The following MLLT3 variants were observed in gnomAD, a reference collection of about 807,000 sequenced individuals.
MLLT3 encodes the protein protein AF-9.
MLLT3 carries 4 observed loss-of-function variants against 53.2 expected under a neutral mutation model. That is an observed-to-expected ratio of 0.08 (90% confidence interval 0.04 to 0.17). The LOEUF is 0.17. Among genes scored for constraint, MLLT3 ranks in the 10% least tolerant of loss-of-function variants. The pLI is 1.00. For missense variants in MLLT3, 569 were observed against 684.0 expected (o/e 0.83, Z 1.87); for synonymous variants, 283 against 230.6 (o/e 1.23, Z -2.06).
At chr9:20,612,976 T>A (rs73434584) in intron 2 of MLLT3, among the ~76,000 whole-genome samples, 6,832 of 152,240 alleles carry the variant, frequency 0.045, 527 homozygotes, top group African/African-American at 0.16. Context: ...CAAGGTAACA[T>A]GCACAAAGAT....
intron 2 of MLLT3, among the ~76,000 whole-genome samples, chr9:20,532,096 G>A (rs942683944): frequency 2.0e-5 from 3 of 151,896 alleles, no homozygotes; most frequent in African/African-American, 7.3e-5. Context: ...TTTGTTAACG[G>A]CCCCTAAATG....
intron 2 of MLLT3, among the ~76,000 whole-genome samples, chr9:20,588,467 C>T (rs1248125455): frequency 6.6e-6 from 1 of 152,178 alleles, no homozygotes; most frequent in Non-Finnish European, 1.5e-5. Context: ...ATTCTTCCTA[C>T]CCATGAGCAT....
At position 20,346,379 on chromosome 9, in the gene MLLT3, C is replaced by CAAAA; in HGVS notation, c.*60_*63dup. ...AACAACAAGAACAAAAAATCACAAC[C>CAAAA]AAAAAAAAAAAAAACCAAAAAAAAA... On this transcript the variant is annotated 3_prime_UTR_variant, in exon 11 of 11. Transcript: ENST00000380338. 41 of 982,026 alleles carry CAAAA rather than the reference C, an allele frequency of 4.2e-5. No homozygotes were observed. Among genetic ancestry groups the CAAAA allele is most frequent in the South Asian group, 1.8e-4 (7 of 39,852 alleles). 60.8% of individuals were successfully genotyped at this position (982,026 alleles called of 1,614,324 possible).
At chr9:20,539,786 A>T (rs1587045056) in intron 2 of MLLT3, among the ~76,000 whole-genome samples, 1 of 152,152 alleles carries the variant, frequency 6.6e-6, no homozygotes, top group Non-Finnish European at 1.5e-5. Context: ...TTCCTTCATG[A>T]CAGTCCCCGA....
chr9:20,591,944 G>C (rs2131187215), intron 2 of MLLT3, among the ~76,000 whole-genome samples: 2 of 152,242 alleles, frequency 1.3e-5, no homozygotes, highest in East Asian at 3.9e-4. Context: ...AAGATCGCTT[G>C]AGCCCAGGAG....
intron 5 of MLLT3, among the ~76,000 whole-genome samples, chr9:20,386,252 G>A (rs372141295): frequency 6.6e-6 from 1 of 152,210 alleles, no homozygotes; most frequent in African/African-American, 2.4e-5. Context: ...TTTAGGGCAA[G>A]TGTTGTTCTG....
intron 2 of MLLT3, among the ~76,000 whole-genome samples, chr9:20,572,755 C>T (rs1819561730): frequency 6.6e-6 from 1 of 152,170 alleles, no homozygotes; most frequent in Admixed American, 6.5e-5. Flanking sequence ...GATTGCACCA[C>T]TGCACTCCAG....
At chr9:20,539,111 G>A (rs536526923) in intron 2 of MLLT3, among the ~76,000 whole-genome samples, 1 of 152,284 alleles carries the variant, frequency 6.6e-6, no homozygotes, top group South Asian at 2.1e-4. Context: ...TAGCTGTGGT[G>A]ATTTCTGGAA....
At chr9:20,385,305 G>A (rs141810567) in intron 5 of MLLT3, among the ~76,000 whole-genome samples, 3 of 152,054 alleles carry the variant, frequency 2.0e-5, no homozygotes, top group African/African-American at 4.8e-5. Flanking sequence ...AAGGGGCTAC[G>A]GAAAGATAAT....
intron 2 of MLLT3, among the ~76,000 whole-genome samples, chr9:20,601,680 A>G (rs977833653): frequency 3.3e-5 from 5 of 151,894 alleles, no homozygotes; most frequent in African/African-American, 1.2e-4. Context: ...CAGATCCTCA[A>G]TAATGTAGCT....
chr9:20,476,197 T>C (rs376081158), intron 2 of MLLT3, among the ~76,000 whole-genome samples: 1 of 152,006 alleles, frequency 6.6e-6, no homozygotes, highest in African/African-American at 2.4e-5. Context: ...ATGTGATAAA[T>C]ATGGTTAATG....
chr9:20,494,938 T>C (rs1825046348), intron 2 of MLLT3, among the ~76,000 whole-genome samples: 1 of 152,138 alleles, frequency 6.6e-6, no homozygotes, highest in Non-Finnish European at 1.5e-5. Flanking sequence ...AGATGATTTT[T>C]TTTCCTCCTA....
At chr9:20,394,218 G>A (rs1389428994) in intron 5 of MLLT3, among the ~76,000 whole-genome samples, 2 of 152,122 alleles carry the variant, frequency 1.3e-5, no homozygotes, top group Non-Finnish European at 2.9e-5. Flanking sequence ...GGGTTGGGGG[G>A]AGCATTGAGG....
intron 5 of MLLT3, among the ~76,000 whole-genome samples, chr9:20,380,669 A>G (rs1265579329): frequency 6.6e-6 from 1 of 152,020 alleles, no homozygotes; most frequent in Non-Finnish European, 1.5e-5. Flanking sequence ...TATCCACTAC[A>G]CTTAAACACC....
At chr9:20,597,996 A>C (rs1313074246) in intron 2 of MLLT3, among the ~76,000 whole-genome samples, 1 of 152,192 alleles carries the variant, frequency 6.6e-6, no homozygotes, top group Non-Finnish European at 1.5e-5. Flanking sequence ...TTGTTAATTT[A>C]CATTTATTTG....
chr9:20,514,476 A>G (rs924404285), intron 2 of MLLT3, among the ~76,000 whole-genome samples: 3 of 152,010 alleles, frequency 2.0e-5, no homozygotes, highest in African/African-American at 7.3e-5. Context: ...CAACAAAATG[A>G]TATGTAGCTG....
At chr9:20,484,863 C>G (rs929804826) in intron 2 of MLLT3, among the ~76,000 whole-genome samples, 1 of 152,096 alleles carries the variant, frequency 6.6e-6, no homozygotes, top group Non-Finnish European at 1.5e-5. Context: ...TAATCATAAC[C>G]ACATTTTGAA....
intron 2 of MLLT3, among the ~76,000 whole-genome samples, chr9:20,480,053 T>G (rs1824624161): frequency 6.6e-6 from 1 of 152,210 alleles, no homozygotes; most frequent in Non-Finnish European, 1.5e-5. Flanking sequence ...CAAGGTACAG[T>G]CCTTTCTACA....
intron 5 of MLLT3, among the ~76,000 whole-genome samples, chr9:20,397,350 C>T (rs1034042550): frequency 6.6e-6 from 1 of 152,120 alleles, no homozygotes; most frequent in Non-Finnish European, 1.5e-5. Context: ...ACTACATTGG[C>T]TTCTCAGTGA....
Sources: gnomAD v4.1 joint callset for allele counts (sites outside exome capture counted in the v4.1 genomes callset) on GRCh38, gnomAD v4.1.1 for gene constraint, MANE v1.5 for transcripts, NCBI Gene and HGNC (gene_info 2026-07-23, HGNC 2026-07-21) for gene names.